The following ABLIM2 variants were observed in gnomAD, a reference collection of about 807,000 sequenced individuals.
The protein encoded by ABLIM2 is actin binding LIM protein family member 2, also known as actin-binding LIM protein 2.
In ABLIM2, 53 loss-of-function variants were observed where a neutral mutation model predicts 97.7. The observed-to-expected ratio is 0.54, with a 90% CI of 0.44 to 0.68. The LOEUF is 0.68. Among genes scored for constraint, ABLIM2 ranks in the 30% least tolerant of loss-of-function variants. The pLI is 0.00. For missense variants in ABLIM2, 835 were observed against 867.2 expected (o/e 0.96, Z 0.47); for synonymous variants, 361 against 345.8 (o/e 1.04, Z -0.49).
rs1361945228 is a variant in ABLIM2 at position 8,091,680 on chromosome 4, TATA to T, written c.339-3399_339-3397del. On this transcript the variant is annotated intron_variant, in intron 3 of 20. Coordinates refer to ENST00000447017, the MANE Select transcript of ABLIM2 (RefSeq NM_001130083.2). The stretch of plus-strand genomic sequence containing the variant: ...TAATTATATATTATATAAAATTATA[TATA>T]ATTATATATTATATAATATACATAA... 5.2e-5 allele frequency among the ~76,000 whole-genome samples: 4 copies of T among 77,250 alleles called. 1 individual carries two copies. The highest frequency in any genetic ancestry group is 1.1e-4 in the African/African-American group (2 of 18,916). The allele number at this position is 77,250 out of a possible 152,430, so 50.7% of individuals were successfully genotyped here. A position where few individuals can be genotyped will look rare whatever the true frequency, so the allele number is the denominator to read the frequency against.
Position 7,998,035 on chromosome 4 carries a change from C to G in ABLIM2, c.1619-5108G>C, listed in dbSNP as rs1398603719. Among the ~76,000 whole-genome samples, 1 of 152,082 alleles carries G rather than the reference C, an allele frequency of 6.6e-6. No individual in the cohort carries two copies. Among genetic ancestry groups the G allele is most frequent in the African/African-American group, 2.4e-5 (1 of 41,408 alleles). On this transcript the variant is annotated intron_variant, in intron 16 of 20. Coordinates refer to ENST00000447017, the MANE Select transcript of ABLIM2 (RefSeq NM_001130083.2). The surrounding 1 kb of genome is among the most constrained non-coding windows in gnomAD (Gnocchi z 6.4). ...TAGCTGGGATTACAGGAATGTGCCA[C>G]CATGCCCGGCTGATTTTGTATTTTT...
rs538366417 is a variant in ABLIM2, at chr4:8,041,812, G to A, written c.900+3352C>T. ...CCAGCTACTCGGGAGGCCGAGGCAG[G>A]AGAATGGCGTGAACCTGGGAGGCGC... is the stretch of plus-strand genomic sequence containing the variant. On this transcript the variant is annotated intron_variant, in intron 9 of 20. Transcript: ENST00000447017. 1.8e-3 allele frequency among the ~76,000 whole-genome samples: 268 copies of A among 152,208 alleles called. 2 individuals carry two copies. The highest frequency in any genetic ancestry group is 2.7e-3 in the Non-Finnish European group (182 of 68,014).
At chr4:8,011,243 G>A (rs955298612) in intron 14 of ABLIM2, among the ~76,000 whole-genome samples, 5 of 152,214 alleles carry the variant, frequency 3.3e-5, no homozygotes, top group East Asian at 1.9e-4. Flanking sequence ...AACAGCCTCC[G>A]CCATCTGAGA....
At position 8,130,539 on chromosome 4, in the gene ABLIM2, G is replaced by A. The variant is rs537558554; in HGVS notation, c.11-23902C>T. Among the ~76,000 whole-genome samples the A allele has an allele frequency of 2.0e-5, 3 of 152,266 alleles. No homozygotes were observed. The East Asian group carries it at 5.8e-4, about 29-fold the overall frequency. On this transcript the variant is annotated intron_variant, in intron 1 of 20. Transcript: ENST00000447017. This position sits in a 1 kb window ranked among gnomAD's most constrained non-coding sequence, Gnocchi z 4.2. ...TGTCTAAGCTTCCCCGAGACACTGT[G>A]AGGTGGCGCCACGCTTGGCCCCGCA...
Position 8,122,878 on chromosome 4 carries a change from C to T in ABLIM2, c.11-16241G>A, listed in dbSNP as rs1404069840. Among the ~76,000 whole-genome samples, 1 of 152,128 alleles carries T rather than the reference C, an allele frequency of 6.6e-6. No individual in the cohort carries two copies. Among genetic ancestry groups the T allele is most frequent in the Non-Finnish European group, 1.5e-5 (1 of 68,026 alleles). On this transcript the variant is annotated intron_variant, in intron 1 of 20. Coordinates refer to ENST00000447017, the MANE Select transcript of ABLIM2 (RefSeq NM_001130083.2). The surrounding 1 kb of genome is among the most constrained non-coding windows in gnomAD (Gnocchi z 4.1). ...GACCCTGGCCTTTTCCACCATGCCC[C>T]ACCGCGTGGATGAGGGGATGGGAGA...
intron 17 of ABLIM2, among the ~76,000 whole-genome samples, chr4:7,989,903 C>A (rs1747339183): frequency 6.6e-6 from 1 of 152,206 alleles, no homozygotes. Flanking sequence ...AGAGAAGCAG[C>A]AGGCCTCTGT....
At chr4:8,145,016 A>C (rs1313047311) in intron 1 of ABLIM2, among the ~76,000 whole-genome samples, 1 of 151,940 alleles carries the variant, frequency 6.6e-6, no homozygotes, top group African/African-American at 2.4e-5. Context: ...TCCCATCTTT[A>C]CCAGCCGTGT....
At chr4:8,138,060 G>T (rs955080159) in intron 1 of ABLIM2, among the ~76,000 whole-genome samples, 3 of 152,214 alleles carry the variant, frequency 2.0e-5, no homozygotes, top group African/African-American at 7.2e-5. Flanking sequence ...TGAGATCCCA[G>T]TCACAGAGGG....
intron 20 of ABLIM2, among the ~76,000 whole-genome samples, chr4:7,980,831 A>T (rs1446008284): frequency 6.6e-6 from 1 of 151,814 alleles, no homozygotes; most frequent in Non-Finnish European, 1.5e-5. Context: ...CTGAGAGTCT[A>T]GCACCTTTTA....
At chr4:8,020,133 T>G in intron 13 of ABLIM2, 69 bp downstream of exon 13, 1 of 1,433,558 alleles carries the variant, frequency 7.0e-7, no homozygotes, top group Non-Finnish European at 9.6e-7. Flanking sequence ...GCTGACAGTT[T>G]GGGTGTGGCC....
chr4:8,056,568 T>C (rs950565045), intron 7 of ABLIM2, among the ~76,000 whole-genome samples: 1 of 151,946 alleles, frequency 6.6e-6, no homozygotes, highest in Admixed American at 6.6e-5. Context: ...CCCAAAGTGC[T>C]GGGATTACAG....
In ABLIM2 at chr4:8,127,608, G is replaced by A. The variant is rs772505976; in HGVS notation, c.11-20971C>T. The A allele has an allele frequency of 1.9e-5, 24 of 1,289,408 alleles. No homozygotes were observed. Among genetic ancestry groups the A allele is most frequent in the Middle Eastern group, 2.1e-4 (1 of 4,712 alleles). The allele number at this position is 1,289,408 out of a possible 1,614,324, so 79.9% of individuals were successfully genotyped here. A position where few individuals can be genotyped will look rare whatever the true frequency, so the allele number is the denominator to read the frequency against. ...GCTTGCAAAGGGCCAGCGGGTCGGC[G>A]GCTCTCCCTCTGCGTGGCTGGGCCT... is the stretch of plus-strand genomic sequence containing the variant. On this transcript the variant is annotated intron_variant, in intron 1 of 20. Transcript: ENST00000447017. The surrounding 1 kb of genome is among the most constrained non-coding windows in gnomAD (Gnocchi z 7.3).
intron 20 of ABLIM2, among the ~76,000 whole-genome samples, chr4:7,979,441 A>T (rs1736262178): frequency 1.3e-5 from 2 of 152,232 alleles, no homozygotes; most frequent in Non-Finnish European, 2.9e-5. Flanking sequence ...GGAATGTGAA[A>T]ACAAGTTGCT....
At chr4:8,138,872 T>C (rs1280834580) in intron 1 of ABLIM2, among the ~76,000 whole-genome samples, 3 of 152,128 alleles carry the variant, frequency 2.0e-5, no homozygotes, top group African/African-American at 4.8e-5. Context: ...GGGACCTAAT[T>C]AAACTAAAGA....
chr4:8,145,310 A>G (rs1261605482), intron 1 of ABLIM2, among the ~76,000 whole-genome samples: 1 of 151,750 alleles, frequency 6.6e-6, no homozygotes, highest in Non-Finnish European at 1.5e-5. Context: ...CAGCCTCCTG[A>G]GTAGCTGGGA....
intron 17 of ABLIM2, among the ~76,000 whole-genome samples, chr4:7,987,587 C>T (rs185310670): frequency 1.2e-3 from 183 of 152,322 alleles, no homozygotes; most frequent in African/African-American, 3.4e-3. Flanking sequence ...TAGTGCCCAT[C>T]GCTCTGCATA....
chr4:8,094,936 TCTTC>T (rs1830639861), intron 3 of ABLIM2, among the ~76,000 whole-genome samples: 1 of 141,248 alleles, frequency 7.1e-6, no homozygotes, highest in Non-Finnish European at 1.5e-5. Context: ...TCCCTCCCTT[TCTTC>T]CTTTCCTCCC....
At chr4:8,045,069 A>G (rs1579634804) in intron 9 of ABLIM2, 95 bp downstream of exon 9, 1 of 1,124,684 alleles carries the variant, frequency 8.9e-7, no homozygotes, top group Non-Finnish European at 1.3e-6. Context: ...TAGTTCTCGG[A>G]AAACTCTCTT....
rs898705829 is a variant in ABLIM2, at chr4:7,970,882, C to T, written c.1825-3779G>A. Among the ~76,000 whole-genome samples the T allele has an allele frequency of 6.6e-6, 1 of 151,966 alleles. No homozygotes were observed. Among genetic ancestry groups the T allele is most frequent in the African/African-American group, 2.4e-5 (1 of 41,372 alleles). On this transcript the variant is annotated intron_variant, in intron 20 of 20. Transcript: ENST00000447017. This position sits in a 1 kb window ranked among gnomAD's most constrained non-coding sequence, Gnocchi z 5.3. ...GCTGGGCCAGGCCACTCGTATGTGG[C>T]CTACAGGGCCCAGGACTTGGGGCCA...
Sources: allele counts gnomAD v4.1 joint callset (sites outside exome capture counted in the v4.1 genomes callset), GRCh38; gene constraint gnomAD v4.1.1; non-coding constraint Gnocchi (gnomAD v3.1); transcripts MANE v1.5; gene names NCBI Gene and HGNC (gene_info 2026-07-23, HGNC 2026-07-21).